Variants in INPP4B observed in about 807,000 individuals in gnomAD.
INPP4B encodes inositol polyphosphate 4-phosphatase type II.
A neutral mutation model predicts 122.5 loss-of-function variants in INPP4B; 55 were observed. The observed-to-expected ratio is 0.45, with a 90% CI of 0.36 to 0.56. The LOEUF (loss-of-function observed/expected upper bound fraction) is 0.56, where lower values mean the gene tolerates loss of function less well. INPP4B is among the 20% of genes least tolerant of loss of function. The pLI, the probability that INPP4B is intolerant of heterozygous loss-of-function variation, is 0.00. For synonymous variants in INPP4B, 403 were observed against 388.7 expected, an observed-to-expected ratio of 1.04 and a Z score of -0.43; for missense variants, 1,000 against 1,097.7, an observed-to-expected ratio of 0.91 and a Z score of 1.26.
chr4:142,663,430 T>A (rs1354878785), intron 2 of INPP4B, among the ~76,000 whole-genome samples: 1 of 152,130 alleles, frequency 6.6e-6, no homozygotes, highest in African/African-American at 2.4e-5. Context: ...TTACACATTT[T>A]AATATAGATA....
chr4:142,245,017 A>G (rs1410824573), intron 11 of INPP4B, among the ~76,000 whole-genome samples: 1 of 152,182 alleles, frequency 6.6e-6, no homozygotes, highest in African/African-American at 2.4e-5. Flanking sequence ...GGCCACATAA[A>G]TGTCTTCTTT....
At chr4:142,717,040 TA>T in intron 2 of INPP4B, among the ~76,000 whole-genome samples, 1 of 152,330 alleles carries the variant, frequency 6.6e-6, no homozygotes, top group Non-Finnish European at 1.5e-5. Flanking sequence ...TTTGTCTTCA[TA>T]ATAACCCTAG....
At chr4:142,747,189 A>T (rs1034129935) in intron 1 of INPP4B, among the ~76,000 whole-genome samples, 2 of 152,068 alleles carry the variant, frequency 1.3e-5, no homozygotes, top group African/African-American at 2.4e-5. Context: ...AAAATCAAAC[A>T]ACCCCATCAA....
In INPP4B at chr4:142,023,433, C is replaced by T. The variant is rs548830686; in HGVS notation, c.*5349G>A. On this transcript the variant is annotated 3_prime_UTR_variant, in exon 26 of 26. Coordinates refer to ENST00000262992, the MANE Select transcript of INPP4B (RefSeq NM_001101669.3). ...TAAATAAAATTATAAAATATCCACA[C>T]GAGAAGTATGTGTATACAAAGTATT... 16 of 152,100 alleles carry T rather than the reference C, an allele frequency of 1.1e-4. No individual in the cohort carries two copies. Among genetic ancestry groups the T allele is most frequent in the African/African-American group, 2.4e-4 (10 of 41,530 alleles). 9.4% of individuals were successfully genotyped at this position (152,100 alleles called of 1,614,324 possible).
intron 2 of INPP4B, among the ~76,000 whole-genome samples, chr4:142,654,022 A>G (rs1753603885): frequency 6.6e-6 from 1 of 152,222 alleles, no homozygotes; most frequent in Non-Finnish European, 1.5e-5. Flanking sequence ...CATATACACC[A>G]TGGAATACTA....
At chr4:142,722,008 A>T (rs1197152358) in intron 2 of INPP4B, among the ~76,000 whole-genome samples, 1 of 152,204 alleles carries the variant, frequency 6.6e-6, no homozygotes, top group East Asian at 1.9e-4. Flanking sequence ...CATAAGGAAA[A>T]GTAAACGTGG....
At chr4:142,460,109 C>T (rs78982554) in intron 3 of INPP4B, among the ~76,000 whole-genome samples, 4,762 of 152,162 alleles carry the variant, frequency 0.031, 277 homozygotes, top group African/African-American at 0.11. Context: ...CTACTACATA[C>T]CAGTCAATGT....
intron 2 of INPP4B, among the ~76,000 whole-genome samples, chr4:142,480,012 G>C (rs1820317255): frequency 6.6e-6 from 1 of 152,066 alleles, no homozygotes; most frequent in African/African-American, 2.4e-5. Context: ...AGTATTAATT[G>C]CAGTTGAAAT....
At chr4:142,147,121 C>T (rs999730977) in intron 17 of INPP4B, among the ~76,000 whole-genome samples, 3 of 152,158 alleles carry the variant, frequency 2.0e-5, no homozygotes, top group East Asian at 1.9e-4. Flanking sequence ...TTCCCTGCAT[C>T]ACACCACAGA....
intron 11 of INPP4B, among the ~76,000 whole-genome samples, chr4:142,247,479 T>C (rs929552735): frequency 1.3e-5 from 2 of 152,238 alleles, no homozygotes; most frequent in Non-Finnish European, 2.9e-5. Flanking sequence ...AAACTTGTTA[T>C]TGATCTATTC....
intron 1 of INPP4B, among the ~76,000 whole-genome samples, chr4:142,767,035 A>G (rs528390617): frequency 1.3e-5 from 2 of 152,316 alleles, no homozygotes; most frequent in African/African-American, 4.8e-5. Context: ...CAAGGTGATG[A>G]ACCTAGTTAG....
chr4:142,749,631 C>T (rs1016723888), intron 1 of INPP4B, among the ~76,000 whole-genome samples: 1 of 151,856 alleles, frequency 6.6e-6, no homozygotes, highest in Non-Finnish European at 1.5e-5. Flanking sequence ...AAAGTTGTGT[C>T]CACCTTGCTG....
At chr4:142,319,722 G>A (rs546370604) in intron 7 of INPP4B, among the ~76,000 whole-genome samples, 13 of 152,236 alleles carry the variant, frequency 8.5e-5, no homozygotes, top group African/African-American at 3.1e-4. Context: ...CAGTCTTTAC[G>A]TGGTGGCTGA....
intron 2 of INPP4B, among the ~76,000 whole-genome samples, chr4:142,641,898 T>C (rs1750562103): frequency 6.6e-6 from 1 of 152,166 alleles, no homozygotes; most frequent in Non-Finnish European, 1.5e-5. Context: ...TGTAAAAGTG[T>C]TCCTATTTCT....
In INPP4B at chr4:142,359,521, G is replaced by A. The variant is rs116286769; in HGVS notation, c.372+43417C>T. Among the ~76,000 whole-genome samples the A allele has an allele frequency of 9.4e-3, 1,427 of 151,820 alleles. 27 individuals carry two copies. Among genetic ancestry groups the A allele is most frequent in the African/African-American group, 0.032 (1,308 of 41,448 alleles). The stretch of plus-strand genomic sequence containing the variant: ...CTTACATTTTTATCATCTAAACCTC[G>A]TCCCATTTTTACCCTCCCAAATTCC... On this transcript the variant is annotated intron_variant, in intron 7 of 25. Coordinates refer to ENST00000262992, the MANE Select transcript of INPP4B (RefSeq NM_001101669.3).
chr4:142,056,894 CA>C (rs1757995974), intron 25 of INPP4B, among the ~76,000 whole-genome samples: 1 of 152,024 alleles, frequency 6.6e-6, no homozygotes, highest in South Asian at 2.1e-4. Flanking sequence ...AGGGAGACAC[CA>C]ACTTTTGAGC....
intron 1 of INPP4B, among the ~76,000 whole-genome samples, chr4:142,731,686 C>A (rs894743304): frequency 6.6e-6 from 1 of 151,822 alleles, no homozygotes; most frequent in Non-Finnish European, 1.5e-5. Flanking sequence ...AAACCCCCCA[C>A]AAGAAAGTGG....
intron 2 of INPP4B, among the ~76,000 whole-genome samples, chr4:142,481,872 A>G (rs1820592582): frequency 6.6e-6 from 1 of 152,188 alleles, no homozygotes. Context: ...GTTAATAAGG[A>G]ACTGGACTTC....
chr4:142,579,152 TG>T (rs1456007325), intron 2 of INPP4B, among the ~76,000 whole-genome samples: 14 of 151,936 alleles, frequency 9.2e-5, no homozygotes, highest in African/African-American at 3.1e-4. Context: ...AACATTTAAA[TG>T]GGGGAAGTAG....
Sources: allele counts gnomAD v4.1 joint callset (sites outside exome capture counted in the v4.1 genomes callset), GRCh38; gene constraint gnomAD v4.1.1; transcripts MANE v1.5; gene names NCBI Gene and HGNC (gene_info 2026-07-23, HGNC 2026-07-21).